Variants in ESR2 observed in about 807,000 individuals in gnomAD.
ESR2 encodes the protein estrogen receptor 2, also known as estrogen receptor beta.
ESR2 carries 36 observed loss-of-function variants against 49.6 expected under a neutral mutation model. The ratio of observed to expected loss-of-function variants is 0.73; its 90% CI spans 0.56 to 0.96. ESR2 has a LOEUF of 0.96. Ranked by LOEUF, ESR2 falls within the 40% of genes least tolerant of loss-of-function variation. ESR2 has a pLI of 0.00. For synonymous variants in ESR2, 320 were observed against 266.1 expected (o/e 1.20, Z -1.97); for missense variants, 714 against 693.0 (o/e 1.03, Z -0.34).
At chr14:64,263,598 C>T (rs149416198) in intron 4 of ESR2, among the ~76,000 whole-genome samples, 1 of 151,788 alleles carries the variant, frequency 6.6e-6, no homozygotes, top group South Asian at 2.1e-4. Context: ...CACAGTGAAC[C>T]GAGACCGTGC....
chr14:64,306,696 G>C (rs1323012742), intron 1 of ESR2, among the ~76,000 whole-genome samples: 2 of 152,136 alleles, frequency 1.3e-5, no homozygotes, highest in Non-Finnish European at 2.9e-5. Context: ...ATTTCCTTGA[G>C]AATTTTTGCA....
At chr14:64,258,617 A>G (rs1046592475) in intron 5 of ESR2, among the ~76,000 whole-genome samples, 2 of 152,218 alleles carry the variant, frequency 1.3e-5, no homozygotes, top group East Asian at 3.8e-4. Context: ...AGCAGAGAGA[A>G]CACACATGGT....
At chr14:64,233,891 A>T (rs2098729813) in intron 8 of ESR2, 1 of 152,796 alleles carries the variant, frequency 6.5e-6, no homozygotes, top group Non-Finnish European at 1.5e-5. Context: ...GCACCACACC[A>T]GGGGGGCATT....
intron 1 of ESR2, chr14:64,301,256 C>T (rs1245909569): frequency 6.6e-6 from 1 of 152,196 alleles, no homozygotes; most frequent in Non-Finnish European, 1.5e-5. Flanking sequence ...TGATAAGTGA[C>T]AAATTAATGG....
At chr14:64,315,318 A>C (rs2077240980) in intron 1 of ESR2, among the ~76,000 whole-genome samples, 1 of 151,694 alleles carries the variant, frequency 6.6e-6, no homozygotes, top group Non-Finnish European at 1.5e-5. Flanking sequence ...AAGGTCTATT[A>C]CTACAGACTA....
At chr14:64,244,444 C>A (rs1353763599) in intron 7 of ESR2, among the ~76,000 whole-genome samples, 21 of 151,964 alleles carry the variant, frequency 1.4e-4, no homozygotes, top group Admixed American at 1.4e-3. Flanking sequence ...TAAGGAAGAT[C>A]TGCCCTTAGC....
intron 6 of ESR2, among the ~76,000 whole-genome samples, chr14:64,254,780 A>C (rs1178802315): frequency 2.6e-5 from 4 of 151,564 alleles, no homozygotes; most frequent in Non-Finnish European, 5.9e-5. Flanking sequence ...CAAACAAACA[A>C]AAACTACTAG....
chr14:64,295,810 C>T (rs1018059365), upstream of ESR2, among the ~76,000 whole-genome samples: 1 of 152,190 alleles, frequency 6.6e-6, no homozygotes, highest in East Asian at 1.9e-4. Context: ...CTTTGGGAGG[C>T]CGAGGCAGGT....
At chr14:64,268,154 T>C (rs1441955337) in intron 4 of ESR2, among the ~76,000 whole-genome samples, 1 of 152,180 alleles carries the variant, frequency 6.6e-6, no homozygotes, top group Non-Finnish European at 1.5e-5. Flanking sequence ...GCATAAAATA[T>C]ATGCGAATGT....
At chr14:64,289,167 G>C (rs1208370404) in intron 1 of ESR2, among the ~76,000 whole-genome samples, 1 of 152,026 alleles carries the variant, frequency 6.6e-6, no homozygotes, top group Non-Finnish European at 1.5e-5. Context: ...GTACCTATTT[G>C]GTGCTGTACC....
chr14:64,272,959 T>C (rs1369411399), intron 3 of ESR2, among the ~76,000 whole-genome samples: 1 of 152,108 alleles, frequency 6.6e-6, no homozygotes, highest in Non-Finnish European at 1.5e-5. Context: ...CTTTGGGTAG[T>C]ATGGACATAT....
intron 7 of ESR2, among the ~76,000 whole-genome samples, chr14:64,240,315 T>C (rs980710680): frequency 1.3e-5 from 2 of 152,192 alleles, no homozygotes; most frequent in African/African-American, 4.8e-5. Context: ...AGCAACCAAA[T>C]GCAGCGCTTG....
In ESR2 at chr14:64,258,283, T is replaced by C. The variant is rs60630490; in HGVS notation, c.953-919A>G. 4.2e-3 allele frequency among the ~76,000 whole-genome samples: 637 copies of C among 152,244 alleles called. 4 individuals are homozygous for C. The highest frequency in any genetic ancestry group is 0.015 in the African/African-American group (611 of 41,544). ...CAGGTCCTGACAACCTAATAACCCA[T>C]GTTGGTCACAGTACTGTTTGCAAAC... On this transcript the variant is annotated intron_variant, in intron 5 of 8. Coordinates refer to ENST00000341099, the MANE Select transcript of ESR2 (RefSeq NM_001437.3).
intron 7 of ESR2, among the ~76,000 whole-genome samples, chr14:64,239,682 A>C (rs538925561): frequency 1.5e-3 from 236 of 152,350 alleles, no homozygotes; most frequent in African/African-American, 5.5e-3. Context: ...CTTAGAGTTT[A>C]TAAAAACACT....
In ESR2 at chr14:64,270,682, G is replaced by C. The variant is rs539813332; in HGVS notation, c.536-1771C>G. ...CCACCACCACGCCCAGCTAATTTTT[G>C]TATTTTTAGTAGAGACGGGGTTTGG... On this transcript the variant is annotated intron_variant, in intron 3 of 8. Coordinates refer to ENST00000341099, the MANE Select transcript of ESR2 (RefSeq NM_001437.3). 7.2e-5 allele frequency among the ~76,000 whole-genome samples: 11 copies of C among 152,216 alleles called. No homozygotes were observed. In the South Asian group the frequency reaches 2.3e-3, roughly 32 times the overall value.
chr14:64,262,128 T>A (rs1256047), intron 4 of ESR2, among the ~76,000 whole-genome samples: 36,027 of 145,408 alleles, frequency 0.25, 6,274 homozygotes, highest in East Asian at 0.55. Flanking sequence ...TTTTTTTTTT[T>A]AAGAGACAAG....
intron 3 of ESR2, among the ~76,000 whole-genome samples, chr14:64,274,554 A>G (rs1334230423): frequency 1.3e-5 from 2 of 152,016 alleles, no homozygotes; most frequent in Non-Finnish European, 2.9e-5. Flanking sequence ...AAAAACCTTC[A>G]TATTTTGTCA....
intron 1 of ESR2, among the ~76,000 whole-genome samples, chr14:64,333,220 A>C (rs1043962590): frequency 2.8e-4 from 43 of 152,306 alleles, no homozygotes; most frequent in South Asian, 1.2e-3. Context: ...CTCATATGCT[A>C]TATGTGAGCT....
intron 1 of ESR2, among the ~76,000 whole-genome samples, chr14:64,304,105 T>C (rs959055290): frequency 2.6e-5 from 4 of 152,054 alleles, no homozygotes; most frequent in African/African-American, 9.7e-5. Flanking sequence ...TTGAGCCCAG[T>C]TCAAAAACAG....
Sources: allele counts gnomAD v4.1 joint callset (sites outside exome capture counted in the v4.1 genomes callset), GRCh38; gene constraint gnomAD v4.1.1; transcripts MANE v1.5; gene names NCBI Gene and HGNC (gene_info 2026-07-23, HGNC 2026-07-21).